AGBL1: variants seen among roughly 807,000 people sequenced by gnomAD.
AGBL1 encodes cytosolic carboxypeptidase 4.
A neutral mutation model predicts 118.9 loss-of-function variants in AGBL1; 130 were observed. The observed-to-expected ratio is 1.09, with a 90% CI of 0.95 to 1.26. The LOEUF (loss-of-function observed/expected upper bound fraction) is 1.26, where lower values mean the gene tolerates loss of function less well. Among genes scored for constraint, AGBL1 ranks in the 50% most tolerant of loss-of-function variants. The pLI is 0.00. For synonymous variants in AGBL1, 555 were observed against 478.9 expected (o/e 1.16, Z -2.08); for missense variants, 1,584 against 1,298.1 (o/e 1.22, Z -3.38).
rs1377155399 is a variant in AGBL1, at chr15:86,160,162, G to T, written c.488+1136G>T. Among the ~76,000 whole-genome samples the T allele has an allele frequency of 8.4e-5, 9 of 107,494 alleles. No individual in the cohort carries two copies. In the East Asian group the frequency reaches 2.5e-3, roughly 30 times the overall value. 70.5% of individuals were successfully genotyped at this position (107,494 alleles called of 152,430 possible). A position where few individuals can be genotyped will look rare whatever the true frequency, so the allele number is the denominator to read the frequency against. On this transcript the variant is annotated intron_variant, in intron 5 of 22. Coordinates refer to ENST00000614907, the MANE Select transcript of AGBL1 (RefSeq NM_001386094.1). The stretch of plus-strand genomic sequence containing the variant: ...GGGGAAGGAGGGGTCAGTGTTCTAT[G>T]TCTCTCATTTTGGAAACATCTTCTC...
intron 5 of AGBL1, among the ~76,000 whole-genome samples, chr15:86,219,325 T>A (rs573824211): frequency 9.2e-5 from 14 of 152,326 alleles, no homozygotes; most frequent in African/African-American, 3.4e-4. Context: ...TTACTTTTAA[T>A]GGCAAAAATT....
At chr15:86,884,896 C>A (rs2079948574) in intron 22 of AGBL1, among the ~76,000 whole-genome samples, 1 of 152,186 alleles carries the variant, frequency 6.6e-6, no homozygotes, top group South Asian at 2.1e-4. Flanking sequence ...TCTCAGCGAG[C>A]TCTCGGATAC....
At chr15:86,822,799 C>G (rs898848877) in intron 22 of AGBL1, among the ~76,000 whole-genome samples, 1 of 152,024 alleles carries the variant, frequency 6.6e-6, no homozygotes, top group African/African-American at 2.4e-5. Flanking sequence ...TCAGACCTAG[C>G]TAAACTGTAG....
Position 86,104,238 on chromosome 15 carries a change from T to C in AGBL1, c.51+24215T>C, listed in dbSNP as rs189303352. On this transcript the variant is annotated intron_variant, in intron 1 of 22. Coordinates refer to ENST00000614907, the MANE Select transcript of AGBL1 (RefSeq NM_001386094.1). ...TGTCCTCTGGCCCTCTGGTAGTGCA[T>C]ACAGGTGCTGGTGTGGTAGGCAGGG... Among the ~76,000 whole-genome samples the C allele has an allele frequency of 8.3e-4, 126 of 152,250 alleles. 1 individual carries two copies. The highest frequency in any genetic ancestry group is 2.7e-3 in the African/African-American group (113 of 41,548).
At chr15:86,697,432 A>G (rs1235186261) in intron 22 of AGBL1, among the ~76,000 whole-genome samples, 2 of 149,038 alleles carry the variant, frequency 1.3e-5, no homozygotes, top group South Asian at 2.1e-4. Context: ...TGTGTTCTTT[A>G]TTTCCTGAAG....
At chr15:86,865,659 A>T (rs758297283) in intron 22 of AGBL1, among the ~76,000 whole-genome samples, 4 of 152,240 alleles carry the variant, frequency 2.6e-5, no homozygotes, top group Admixed American at 6.5e-5. Flanking sequence ...TTCCCAAAGC[A>T]CAACCTTAGC....
chr15:86,098,896 T>C (rs1224064902), intron 1 of AGBL1, among the ~76,000 whole-genome samples: 1 of 152,174 alleles, frequency 6.6e-6, no homozygotes, highest in African/African-American at 2.4e-5. Context: ...GTAGATTGCT[T>C]TGGGTAGTAT....
intron 21 of AGBL1, among the ~76,000 whole-genome samples, chr15:86,580,963 T>C (rs990577811): frequency 2.0e-5 from 3 of 152,176 alleles, no homozygotes; most frequent in Non-Finnish European, 4.4e-5. Context: ...GACATTTTGG[T>C]TGCATCCAAA....
At chr15:86,194,685 C>T (rs975199698) in intron 5 of AGBL1, among the ~76,000 whole-genome samples, 3 of 152,084 alleles carry the variant, frequency 2.0e-5, no homozygotes, top group African/African-American at 7.2e-5. Flanking sequence ...TTCCTGACCC[C>T]GTGTTGGGTA....
chr15:86,815,137 A>G (rs2078841065), intron 22 of AGBL1, among the ~76,000 whole-genome samples: 1 of 152,188 alleles, frequency 6.6e-6, no homozygotes, highest in African/African-American at 2.4e-5. Flanking sequence ...TTTGTGAGGT[A>G]ATTGACTGAG....
chr15:86,335,784 G>A (rs1347595453), intron 17 of AGBL1, among the ~76,000 whole-genome samples: 5 of 152,072 alleles, frequency 3.3e-5, no homozygotes, highest in Non-Finnish European at 7.4e-5. Flanking sequence ...ATGAAAGAAG[G>A]GAATAGTTTC....
intron 21 of AGBL1, among the ~76,000 whole-genome samples, chr15:86,588,569 A>G (rs148349398): frequency 2.0e-5 from 3 of 152,318 alleles, no homozygotes; most frequent in African/African-American, 7.2e-5. Flanking sequence ...GATAGAACTC[A>G]TTTGCCTGAA....
At chr15:86,110,959 C>G (rs1003017421) in intron 1 of AGBL1, among the ~76,000 whole-genome samples, 4 of 152,192 alleles carry the variant, frequency 2.6e-5, no homozygotes, top group Non-Finnish European at 4.4e-5. Flanking sequence ...TCTGTGCCAC[C>G]CAGTATTGCT....
At position 86,337,328 on chromosome 15, in the gene AGBL1, T is replaced by C. The variant is rs144301347; in HGVS notation, c.2374+41920T>C. On this transcript the variant is annotated intron_variant, in intron 17 of 22. Coordinates refer to ENST00000614907, the MANE Select transcript of AGBL1 (RefSeq NM_001386094.1). ...GTATTACCAGTAGGCTTTTTTATAT[T>C]AGTTCTAGAAAAGAAAAAAAAAGTA... Among the ~76,000 whole-genome samples, 90 of 151,272 alleles carry C rather than the reference T, an allele frequency of 5.9e-4. 1 individual carries two copies. Among genetic ancestry groups the C allele is most frequent in the African/African-American group, 2.0e-3 (82 of 40,710 alleles).
At chr15:86,212,281 G>A (rs947972910) in intron 5 of AGBL1, among the ~76,000 whole-genome samples, 15 of 152,172 alleles carry the variant, frequency 9.9e-5, no homozygotes, top group Non-Finnish European at 1.2e-4. Context: ...ACATAAATAC[G>A]CAATTTCCAT....
intron 17 of AGBL1, among the ~76,000 whole-genome samples, chr15:86,325,302 G>A (rs969061530): frequency 4.6e-5 from 7 of 152,192 alleles, no homozygotes; most frequent in Admixed American, 3.3e-4. Context: ...ATCCACGGGG[G>A]ATGAGTAGAT....
chr15:86,352,429 T>C (rs1436694886), intron 17 of AGBL1, among the ~76,000 whole-genome samples: 1 of 152,128 alleles, frequency 6.6e-6, no homozygotes, highest in Non-Finnish European at 1.5e-5. Context: ...AATCAACTGG[T>C]AATACTTTCA....
At chr15:86,847,652 G>A (rs1441704495) in intron 22 of AGBL1, among the ~76,000 whole-genome samples, 1 of 152,146 alleles carries the variant, frequency 6.6e-6, no homozygotes, top group Non-Finnish European at 1.5e-5. Flanking sequence ...CTCTGCCAAC[G>A]GATCTGTGTA....
At chr15:86,721,204 A>T (rs556463394) in intron 22 of AGBL1, among the ~76,000 whole-genome samples, 3 of 152,148 alleles carry the variant, frequency 2.0e-5, no homozygotes, top group Non-Finnish European at 4.4e-5. Context: ...AAAAAAAAAG[A>T]ATTTTAGACC....
Sources: allele counts gnomAD v4.1 joint callset (sites outside exome capture counted in the v4.1 genomes callset), GRCh38; gene constraint gnomAD v4.1.1; transcripts MANE v1.5; gene names NCBI Gene and HGNC (gene_info 2026-07-23, HGNC 2026-07-21).